ZPLD1: variants seen among roughly 807,000 people sequenced by gnomAD.
The protein encoded by ZPLD1 is zona pellucida-like domain-containing protein 1.
In ZPLD1, 34 loss-of-function variants were observed where a neutral mutation model predicts 47.2. That is an observed-to-expected ratio of 0.72 (90% CI 0.55 to 0.96). The LOEUF (loss-of-function observed/expected upper bound fraction) is 0.96. Among genes scored for constraint, ZPLD1 ranks in the 40% least tolerant of loss-of-function variants. The pLI is 0.00. For missense variants in ZPLD1, 512 were observed against 505.8 expected (o/e 1.01, Z -0.12); for synonymous variants, 176 against 186.2 (o/e 0.95, Z 0.45).
At chr3:102,395,468 A>G (rs1706546671) in intron 7 of ZPLD1, among the ~76,000 whole-genome samples, 1 of 152,076 alleles carries the variant, frequency 6.6e-6, no homozygotes, top group Non-Finnish European at 1.5e-5. Flanking sequence ...TGATGATGGA[A>G]AGGGGCCACA....
At chr3:102,472,823 C>A (rs1707705185) in intron 10 of ZPLD1, among the ~76,000 whole-genome samples, 1 of 152,194 alleles carries the variant, frequency 6.6e-6, no homozygotes, top group South Asian at 2.1e-4. Context: ...CTTGCCTATG[C>A]AAAACTAAGT....
At chr3:102,392,162 T>C (rs1013000713) in intron 6 of ZPLD1, 1 of 152,166 alleles carries the variant, frequency 6.6e-6, no homozygotes, top group Non-Finnish European at 1.5e-5. Flanking sequence ...AATACCCTCT[T>C]CTTTTAGGCA....
In ZPLD1 at chr3:102,470,450, G is replaced by A; in HGVS notation, c.990G>A (p.Gln330=). The A allele has an allele frequency of 1.9e-6, 3 of 1,614,036 alleles. No homozygotes were observed. The highest frequency in any genetic ancestry group is 2.5e-6 in the Non-Finnish European group (3 of 1,180,004). ...GGAGGAGGACGACTTGGAGCCCCCA[G>A]AGCTCTTCTGGCAGCGCGGTGCTCT... is the stretch of plus-strand genomic sequence containing the variant. ...DAGRRTTWSP[Q]SSSGSAVLSA... is the part of the protein sequence containing the mutation. The change falls in exon 10 of 12, where the codon CAG becomes CAA. Residue 330 remains glutamine, a synonymous_variant. Coordinates refer to ENST00000466937, the MANE Select transcript of ZPLD1 (RefSeq NM_001329788.2).
At chr3:102,428,876 A>G (rs1706982975) in intron 8 of ZPLD1, among the ~76,000 whole-genome samples, 1 of 152,010 alleles carries the variant, frequency 6.6e-6, no homozygotes, top group Non-Finnish European at 1.5e-5. Context: ...AGTAGGTCAA[A>G]TTCTTTAACA....
At chr3:102,466,766 AAAT>A (rs1489417228) in intron 8 of ZPLD1, among the ~76,000 whole-genome samples, 1 of 152,148 alleles carries the variant, frequency 6.6e-6, no homozygotes, top group Non-Finnish European at 1.5e-5. Flanking sequence ...ATACAAATAA[AAAT>A]AAACAAATAT....
intron 6 of ZPLD1, among the ~76,000 whole-genome samples, chr3:102,459,200 T>A (rs890244944): frequency 1.3e-5 from 2 of 150,568 alleles, no homozygotes; most frequent in Non-Finnish European, 3.0e-5. Context: ...AGATATTTAC[T>A]ATTGTTGTTA....
chr3:102,435,581 A>G (rs1349433049), intron 1 of ZPLD1, among the ~76,000 whole-genome samples: 2 of 152,028 alleles, frequency 1.3e-5, no homozygotes, highest in Non-Finnish European at 2.9e-5. Flanking sequence ...CTGTATGTCC[A>G]AACTATACTA....
At chr3:102,385,588 A>G (rs1706416230) in intron 6 of ZPLD1, among the ~76,000 whole-genome samples, 1 of 152,206 alleles carries the variant, frequency 6.6e-6, no homozygotes, top group African/African-American at 2.4e-5. Context: ...GCTGTAGCTT[A>G]TGGTGCATAT....
intron 8 of ZPLD1, among the ~76,000 whole-genome samples, chr3:102,464,863 T>A (rs1707567744): frequency 1.3e-5 from 2 of 152,194 alleles, no homozygotes; most frequent in African/African-American, 4.8e-5. Flanking sequence ...TTTTCAGCAT[T>A]TTTTATCTGA....
At chr3:102,436,283 T>G (rs1353344812) in intron 1 of ZPLD1, among the ~76,000 whole-genome samples, 1 of 152,216 alleles carries the variant, frequency 6.6e-6, no homozygotes, top group African/African-American at 2.4e-5. Flanking sequence ...GTTTAGTCAA[T>G]AATAATTTTT....
chr3:102,411,963 T>G (rs906392045), intron 7 of ZPLD1, among the ~76,000 whole-genome samples: 7 of 151,678 alleles, frequency 4.6e-5, no homozygotes, highest in African/African-American at 1.7e-4. Flanking sequence ...AAGTCCAAAA[T>G]CTGTAGGGCG....
At chr3:102,475,028 G>A (rs919452969) in intron 10 of ZPLD1, among the ~76,000 whole-genome samples, 7 of 151,478 alleles carry the variant, frequency 4.6e-5, no homozygotes, top group African/African-American at 1.7e-4. Flanking sequence ...AAAATTGGAG[G>A]CTACCAGAAA....
chr3:102,412,806 T>G (rs1187659758), intron 7 of ZPLD1, among the ~76,000 whole-genome samples: 3 of 151,638 alleles, frequency 2.0e-5, no homozygotes, highest in African/African-American at 7.3e-5. Context: ...CATATGTATA[T>G]ATCCCTATAT....
chr3:102,477,674 T>C lies in ZPLD1; in HGVS notation c.*56T>C. On this transcript the variant is annotated 3_prime_UTR_variant, in exon 12 of 12. Transcript: ENST00000466937. ...CTTCACTGACTAAACTATGTGTGAC[T>C]GCAGTCAGTGTTCCGTCTGAATTTC... 6.8e-7 allele frequency: 1 copy of C among 1,461,472 alleles called. No individual in the cohort carries two copies. Among genetic ancestry groups the C allele is most frequent in the South Asian group, 1.4e-5 (1 of 73,928 alleles). 90.5% of individuals were successfully genotyped at this position (1,461,472 alleles called of 1,614,324 possible). A position where few individuals can be genotyped will look rare whatever the true frequency, so the allele number is the denominator to read the frequency against.
chr3:102,399,802 GAGTT>G (rs748184469), intron 7 of ZPLD1, among the ~76,000 whole-genome samples: 2 of 151,860 alleles, frequency 1.3e-5, no homozygotes, highest in African/African-American at 2.4e-5. Flanking sequence ...CCAAGTCAGA[GAGTT>G]TGTTTGTTTG....
Position 102,438,464 on chromosome 3 carries a change from G to T in ZPLD1, c.-8-16G>T, listed in dbSNP as rs543688254. Reference sequence around the variant, plus strand: ...GTTAAGTGGGAGTGTCCACATGATAGATATCTCTTTTCCAGGTTTTGCAAT... The same window carrying T: ...GTTAAGTGGGAGTGTCCACATGATATATATCTCTTTTCCAGGTTTTGCAAT... On this transcript the variant is annotated splice_polypyrimidine_tract_variant and intron_variant, in intron 2 of 11. Coordinates refer to ENST00000466937, the MANE Select transcript of ZPLD1 (RefSeq NM_001329788.2). The T allele has an allele frequency of 3.8e-5, 60 of 1,588,546 alleles. No homozygotes were observed. Among genetic ancestry groups the T allele is most frequent in the Non-Finnish European group, 4.8e-5 (56 of 1,156,800 alleles).
intron 7 of ZPLD1, among the ~76,000 whole-genome samples, chr3:102,405,669 C>G (rs1182498251): frequency 1.3e-5 from 2 of 152,016 alleles, no homozygotes; most frequent in Non-Finnish European, 2.9e-5. Context: ...CTAGCATGTT[C>G]CATCAGTGTC....
chr3:102,430,171 AG>A (rs1707000782), upstream of ZPLD1, among the ~76,000 whole-genome samples: 1 of 152,160 alleles, frequency 6.6e-6, no homozygotes, highest in African/African-American at 2.4e-5. Flanking sequence ...CTTCCAAAAA[AG>A]TTTCACAAAG....
chr3:102,425,909 A>G (rs1706940108), intron 8 of ZPLD1, among the ~76,000 whole-genome samples: 1 of 150,814 alleles, frequency 6.6e-6, no homozygotes, highest in African/African-American at 2.4e-5. Flanking sequence ...TAACTTAGTT[A>G]TAGTTATAGT....
Sources: gnomAD v4.1 joint callset for allele counts (sites outside exome capture counted in the v4.1 genomes callset) on GRCh38, gnomAD v4.1.1 for gene constraint, MANE v1.5 for transcripts, NCBI Gene and HGNC (gene_info 2026-07-23, HGNC 2026-07-21) for gene names.